CCZ1B: variants seen among roughly 807,000 people sequenced by gnomAD.
CCZ1B encodes CCZ1B vacuolar protein trafficking and biogenesis associated.
Under a neutral mutation model 58.8 loss-of-function variants are expected in CCZ1B, and 25 were observed. That is an observed-to-expected ratio of 0.43 (90% CI 0.31 to 0.59). The LOEUF (loss-of-function observed/expected upper bound fraction) is 0.59, where lower values mean the gene tolerates loss of function less well. CCZ1B is among the 20% of genes least tolerant of loss of function. CCZ1B has a pLI of 0.12. For missense variants in CCZ1B, 180 were observed against 501.5 expected (o/e 0.36, Z 6.12); for synonymous variants, 66 against 173.2 (o/e 0.38, Z 4.86).
Position 6,821,071 on chromosome 7 carries a change from C to T in CCZ1B, c.523-1130G>A, listed in dbSNP as rs147711330. Reference sequence around the variant, plus strand: ...TCACCCAGGCTGGAGTGCAGCGGTGCGATCTCGGCTCACTGCAACCTCTGC... The same window carrying T: ...TCACCCAGGCTGGAGTGCAGCGGTGTGATCTCGGCTCACTGCAACCTCTGC... On this transcript the variant is annotated intron_variant, in intron 6 of 14. Transcript: ENST00000316731. Among the ~76,000 whole-genome samples the T allele has an allele frequency of 3.2e-3, 439 of 136,092 alleles. 13 individuals carry two copies. The highest frequency in any genetic ancestry group is 6.8e-3 in the South Asian group (28 of 4,120). 89.3% of individuals were successfully genotyped at this position (136,092 alleles called of 152,430 possible).
At chr7:6,820,260 G>C (rs1418896031) in intron 6 of CCZ1B, among the ~76,000 whole-genome samples, 2 of 149,372 alleles carry the variant, frequency 1.3e-5, no homozygotes, top group Admixed American at 6.7e-5. Flanking sequence ...CTTACTGCAA[G>C]CTCCGCCTTC....
In CCZ1B at chr7:6,810,478, G is replaced by A. The variant is rs1219450429; in HGVS notation, c.954+1474C>T. Among the ~76,000 whole-genome samples, 41 of 148,078 alleles carry A rather than the reference G, an allele frequency of 2.8e-4. 2 individuals are homozygous for A. Among genetic ancestry groups the A allele is most frequent in the Non-Finnish European group, 3.9e-4 (26 of 67,220 alleles). Reference sequence around the variant, plus strand: ...ATACCAGTTTCATTATTTTTGAGAGGGTTTCACTCTGTCACCCAGGCTAGA... The same window carrying A: ...ATACCAGTTTCATTATTTTTGAGAGAGTTTCACTCTGTCACCCAGGCTAGA... On this transcript the variant is annotated intron_variant, in intron 10 of 14. Transcript: ENST00000316731.
Position 6,825,110 on chromosome 7 carries a change from C to T in CCZ1B, c.121-373G>A, listed in dbSNP as rs2711237. 1.3e-4 allele frequency among the ~76,000 whole-genome samples: 19 copies of T among 149,974 alleles called. No individual in the cohort carries two copies. In the South Asian group the frequency reaches 1.7e-3, roughly 13 times the overall value. Reference sequence around the variant, plus strand: ...TAATTTTTATGAAAACTCAAGTCTCCAGGTTTCTTTCCTAGTGCTAATTTG... The same window carrying T: ...TAATTTTTATGAAAACTCAAGTCTCTAGGTTTCTTTCCTAGTGCTAATTTG... On this transcript the variant is annotated intron_variant, in intron 1 of 14. Transcript: ENST00000316731.
In CCZ1B at chr7:6,812,962, A is replaced by G. The variant is rs200910144; in HGVS notation, c.842+14T>C. On this transcript the variant is annotated intron_variant, in intron 9 of 14. Coordinates refer to ENST00000316731, the MANE Select transcript of CCZ1B (RefSeq NM_198097.5). The stretch of plus-strand genomic sequence containing the variant: ...GAAAACCCAGTATCATAAATCAAAG[A>G]ACAGAAGTCCTACCTTCCATAGTGT... 5 of 1,561,498 alleles carry G rather than the reference A, an allele frequency of 3.2e-6. No homozygotes were observed. The highest frequency in any genetic ancestry group is 4.3e-6 in the Non-Finnish European group (5 of 1,152,038).
chr7:6,813,432 A>G (rs10951995), intron 8 of CCZ1B, among the ~76,000 whole-genome samples: 8,960 of 148,280 alleles, frequency 0.06, 114 homozygotes, highest in East Asian at 0.23. Flanking sequence ...CAAAAAATTA[A>G]CCAGGTGTGG....
intron 1 of CCZ1B, among the ~76,000 whole-genome samples, chr7:6,825,210 T>G (rs1429251299): frequency 6.7e-6 from 1 of 148,226 alleles, no homozygotes; most frequent in Non-Finnish European, 1.5e-5. Context: ...TTAAATCCAG[T>G]CAGTTCCCAG....
chr7:6,816,517 A>C (rs1783002273), intron 7 of CCZ1B, among the ~76,000 whole-genome samples: 1 of 150,534 alleles, frequency 6.6e-6, no homozygotes, highest in South Asian at 2.1e-4. Flanking sequence ...ATACTAAGTA[A>C]ATACATAAGG....
rs1368238679 is a variant in CCZ1B, at chr7:6,812,170, C to T, written c.843-107G>A. 5.8e-6 allele frequency: 7 copies of T among 1,197,858 alleles called. No homozygotes were observed. In the East Asian group the frequency reaches 1.4e-4, roughly 24 times the overall value. The allele number at this position is 1,197,858 out of a possible 1,614,324, so 74.2% of individuals were successfully genotyped here. On this transcript the variant is annotated intron_variant, in intron 9 of 14. Transcript: ENST00000316731. Reference sequence around the variant, plus strand: ...CATACACACCAGTTGCTTTTGATGCCAGCTGCTATTTGGCAAACACCATAT... The same window carrying T: ...CATACACACCAGTTGCTTTTGATGCTAGCTGCTATTTGGCAAACACCATAT...
At chr7:6,803,733 G>A (rs1211518674) in intron 12 of CCZ1B, among the ~76,000 whole-genome samples, 2 of 149,002 alleles carry the variant, frequency 1.3e-5, no homozygotes, top group African/African-American at 2.5e-5. Flanking sequence ...GGAGGCCGAA[G>A]TGCGTGGATC....
chr7:6,822,158 A>T (rs1783122195), intron 6 of CCZ1B, 123 bp downstream of exon 6: 1 of 1,426,188 alleles, frequency 7.0e-7, no homozygotes, highest in East Asian at 2.4e-5. Flanking sequence ...GGTCTGTCTC[A>T]GGCTCTTTGC....
rs180765747 is a variant in CCZ1B at position 6,818,323 on chromosome 7, C to T, written c.698+1443G>A. 3.5e-4 allele frequency among the ~76,000 whole-genome samples: 52 copies of T among 149,680 alleles called. No homozygotes were observed. In the East Asian group the frequency reaches 9.3e-3, roughly 27 times the overall value. ...CGGCACTTTGGGAGGCCAATGCAGGCGAATCACCTGAGGTCAGGAGTTTAG... is the reference window on the plus strand; with the variant it reads ...CGGCACTTTGGGAGGCCAATGCAGGTGAATCACCTGAGGTCAGGAGTTTAG... On this transcript the variant is annotated intron_variant, in intron 7 of 14. Transcript: ENST00000316731.
chr7:6,808,406 CAA>C (rs1782866857), intron 10 of CCZ1B, among the ~76,000 whole-genome samples: 2 of 138,380 alleles, frequency 1.4e-5, no homozygotes, highest in African/African-American at 2.7e-5. Context: ...AAACAAAAAA[CAA>C]AACAAAAACC....
Position 6,816,549 on chromosome 7 carries a change from A to C in CCZ1B, c.699-1704T>G, listed in dbSNP as rs569274735. 3.3e-5 allele frequency among the ~76,000 whole-genome samples: 5 copies of C among 150,878 alleles called. No individual in the cohort carries two copies. In the South Asian group the frequency reaches 8.4e-4, roughly 25 times the overall value. On this transcript the variant is annotated intron_variant, in intron 7 of 14. Transcript: ENST00000316731. The stretch of plus-strand genomic sequence containing the variant: ...AAGGGTAATATATACTCTGCTTGTG[A>C]CAAATGTTTTTTTTCCACTTTTTGG...
Position 6,811,956 on chromosome 7 carries a change from T to G in CCZ1B, c.950A>C (p.Tyr317Ser). The stretch of plus-strand genomic sequence containing the variant: ...TGGAAGGAAAACAGTTGTTACCTTA[T>G]AAACGATTAAATGGAGCTCTTCATA... ...DTYEELHLIVYKAMSAAVCFM... is the reference protein window; with the variant it reads ...DTYEELHLIVSKAMSAAVCFM... Residue 317 changes from tyrosine to serine, a missense_variant, in exon 10 of 15, where the codon TAT becomes TCT. Coordinates refer to ENST00000316731, the MANE Select transcript of CCZ1B (RefSeq NM_198097.5). 1 of 1,585,156 alleles carries G rather than the reference T, an allele frequency of 6.3e-7. No individual in the cohort carries two copies. The highest frequency in any genetic ancestry group is 8.6e-7 in the Non-Finnish European group (1 of 1,166,050).
Position 6,809,616 on chromosome 7 carries a change from T to TC in CCZ1B, c.954+2335dup, listed in dbSNP as rs200283530. On this transcript the variant is annotated intron_variant, in intron 10 of 14. Coordinates refer to ENST00000316731, the MANE Select transcript of CCZ1B (RefSeq NM_198097.5). The stretch of plus-strand genomic sequence containing the variant: ...TCCAATTCCTGCTCTGAATTACACC[T>TC]CCAACATTTTGGTTTGCTTTTTCAG... Among the ~76,000 whole-genome samples, 1,272 of 127,510 alleles carry TC rather than the reference T, an allele frequency of 1.0e-2. 36 individuals are homozygous for TC. The highest frequency in any genetic ancestry group is 0.041 in the African/African-American group (1,186 of 28,938). 83.7% of individuals were successfully genotyped at this position (127,510 alleles called of 152,430 possible).
chr7:6,822,483 T>C, intron 5 of CCZ1B, 119 bp from the exon 6 acceptor site: 1 of 1,397,032 alleles, frequency 7.2e-7, no homozygotes, highest in Non-Finnish European at 9.5e-7. Context: ...CCCAGTTCTT[T>C]CCAACAGAGA....
chr7:6,823,065 A>G (rs1783136557), intron 5 of CCZ1B, among the ~76,000 whole-genome samples: 1 of 148,238 alleles, frequency 6.7e-6, no homozygotes, highest in South Asian at 2.1e-4. Context: ...GAGCACATAG[A>G]TACACTTTTT....
rs555296684 is a variant in CCZ1B, at chr7:6,820,778, G to A, written c.523-837C>T. ...CTCTAATAAAATTACAACATTAGCC[G>A]GGCGTGGTAGCCTGTAATCCCAACT... On this transcript the variant is annotated intron_variant, in intron 6 of 14. Coordinates refer to ENST00000316731, the MANE Select transcript of CCZ1B (RefSeq NM_198097.5). Among the ~76,000 whole-genome samples the A allele has an allele frequency of 1.5e-4, 22 of 148,464 alleles. No individual in the cohort carries two copies. The South Asian group carries it at 4.3e-3, about 29-fold the overall frequency.
chr7:6,814,114 C>T (rs761331806), intron 8 of CCZ1B, among the ~76,000 whole-genome samples: 1 of 148,384 alleles, frequency 6.7e-6, no homozygotes, highest in Admixed American at 6.7e-5. Flanking sequence ...CCACTGCACT[C>T]CAGCCTGGGC....
Sources: gnomAD v4.1 joint callset for allele counts (sites outside exome capture counted in the v4.1 genomes callset) on GRCh38, gnomAD v4.1.1 for gene constraint, MANE v1.5 for transcripts, NCBI Gene and HGNC (gene_info 2026-07-23, HGNC 2026-07-21) for gene names.